The following RNF180 variants were observed in gnomAD, a reference collection of about 807,000 sequenced individuals.
RNF180 encodes E3 ubiquitin-protein ligase RNF180.
RNF180 carries 38 observed loss-of-function variants against 59.2 expected under a neutral mutation model. The observed-to-expected ratio is 0.64, with a 90% CI of 0.50 to 0.84. The LOEUF (loss-of-function observed/expected upper bound fraction) is 0.84. Among genes scored for constraint, RNF180 ranks in the 40% least tolerant of loss-of-function variants. RNF180 has a pLI of 0.00. For synonymous variants in RNF180, 262 were observed against 240.3 expected, an observed-to-expected ratio of 1.09 and a Z score of -0.84; for missense variants, 705 against 700.9, an observed-to-expected ratio of 1.01 and a Z score of -0.07.
rs989288094 is a variant in RNF180 at position 64,370,857 on chromosome 5, C to A, written c.*1043C>A. 6.6e-6 allele frequency: 1 copy of A among 151,438 alleles called. No homozygotes were observed. The highest frequency in any genetic ancestry group is 2.0e-4 in the East Asian group (1 of 5,126). 9.4% of individuals were successfully genotyped at this position (151,438 alleles called of 1,614,324 possible). A position where few individuals can be genotyped will look rare whatever the true frequency, so the allele number is the denominator to read the frequency against. On this transcript the variant is annotated 3_prime_UTR_variant, in exon 8 of 8. Coordinates refer to ENST00000389100, the MANE Select transcript of RNF180 (RefSeq NM_001113561.2). ...AGTTATTCTGGTGGTCTTTGTGAAA[C>A]CTGGGACAAAGTTTTTATTATGAAT... is the stretch of plus-strand genomic sequence containing the variant.
At chr5:64,243,107 C>G (rs1250903863) in intron 5 of RNF180, among the ~76,000 whole-genome samples, 7 of 152,220 alleles carry the variant, frequency 4.6e-5, no homozygotes, top group African/African-American at 1.7e-4. Context: ...CCAGGAGATT[C>G]CCTCAGGTGC....
intron 7 of RNF180, among the ~76,000 whole-genome samples, chr5:64,349,423 G>A (rs1206517591): frequency 9.5e-6 from 1 of 104,888 alleles, no homozygotes; most frequent in African/African-American, 4.1e-5. Context: ...TTTTTTTTTT[G>A]AGTTTCTATT....
At chr5:64,330,549 C>A in intron 7 of RNF180, 143 bp downstream of exon 7, 1 of 806,000 alleles carries the variant, frequency 1.2e-6, no homozygotes, top group Non-Finnish European at 1.9e-6. Context: ...TGCTAAGTAT[C>A]TCCTTGCTGA....
At chr5:64,282,967 C>G (rs1742087046) in intron 5 of RNF180, among the ~76,000 whole-genome samples, 1 of 152,112 alleles carries the variant, frequency 6.6e-6, no homozygotes, top group Admixed American at 6.6e-5. Context: ...GTGAAAACTT[C>G]ATGTTCTGTT....
chr5:64,225,858 G>A (rs538575589), intron 5 of RNF180, among the ~76,000 whole-genome samples: 7 of 140,086 alleles, frequency 5.0e-5, no homozygotes, highest in South Asian at 4.7e-4. Flanking sequence ...GCCTCTGCCC[G>A]GCCGCCCCGT....
intron 5 of RNF180, among the ~76,000 whole-genome samples, chr5:64,239,401 T>G (rs1742656794): frequency 6.6e-6 from 1 of 152,202 alleles, no homozygotes; most frequent in African/African-American, 2.4e-5. Flanking sequence ...ACTTTGCTCC[T>G]AGTAGTAATT....
At chr5:64,186,013 T>C (rs904361707) in intron 1 of RNF180, among the ~76,000 whole-genome samples, 3 of 152,202 alleles carry the variant, frequency 2.0e-5, no homozygotes, top group Non-Finnish European at 4.4e-5. Context: ...TCCCAGGCAG[T>C]GCTTTATTGG....
At chr5:64,209,706 TG>T (rs2112097917) in intron 2 of RNF180, among the ~76,000 whole-genome samples, 1 of 152,222 alleles carries the variant, frequency 6.6e-6, no homozygotes, top group East Asian at 1.9e-4. Context: ...AACAAAATTC[TG>T]GATCTGATAA....
At chr5:64,230,995 A>T (rs1021490348) in intron 5 of RNF180, among the ~76,000 whole-genome samples, 1 of 152,210 alleles carries the variant, frequency 6.6e-6, no homozygotes. Flanking sequence ...AGTAGCATAA[A>T]GGGCAATTAA....
chr5:64,212,897 CTG>C (rs1040682244), intron 3 of RNF180, among the ~76,000 whole-genome samples: 3 of 152,336 alleles, frequency 2.0e-5, no homozygotes, highest in South Asian at 2.1e-4. Context: ...CCTTTTCACA[CTG>C]TAACAGTTTT....
At chr5:64,344,368 AAG>A (rs777353659) in intron 7 of RNF180, among the ~76,000 whole-genome samples, 1 of 151,786 alleles carries the variant, frequency 6.6e-6, no homozygotes, top group Admixed American at 6.6e-5. Flanking sequence ...ATGGCAATAA[AAG>A]AGGCAATTCC....
At chr5:64,170,840 C>T (rs1399383962) in intron 1 of RNF180, among the ~76,000 whole-genome samples, 1 of 152,180 alleles carries the variant, frequency 6.6e-6, no homozygotes, top group Non-Finnish European at 1.5e-5. Flanking sequence ...TGGTATGGTC[C>T]TTTCCAGTGG....
At chr5:64,336,080 A>G (rs1745113635) in intron 7 of RNF180, among the ~76,000 whole-genome samples, 1 of 152,128 alleles carries the variant, frequency 6.6e-6, no homozygotes, top group African/African-American at 2.4e-5. Context: ...AATTTATGGC[A>G]TACCATCATC....
chr5:64,280,567 T>C (rs1271141120), intron 5 of RNF180, among the ~76,000 whole-genome samples: 1 of 152,052 alleles, frequency 6.6e-6, no homozygotes, highest in Non-Finnish European at 1.5e-5. Context: ...AGGGAGTCTT[T>C]TCCTCATTGT....
intron 5 of RNF180, among the ~76,000 whole-genome samples, chr5:64,251,929 G>T (rs1743605669): frequency 6.6e-6 from 1 of 151,974 alleles, no homozygotes; most frequent in African/African-American, 2.4e-5. Flanking sequence ...ATTGATGAAG[G>T]AAATTGGAGA....
intron 5 of RNF180, among the ~76,000 whole-genome samples, chr5:64,280,484 A>G (rs10939988): frequency 0.29 from 43,469 of 151,872 alleles, 6,428 homozygotes; most frequent in African/African-American, 0.35. Flanking sequence ...GTTGATTTTT[A>G]TATTGTAAAT....
At chr5:64,219,132 T>C (rs985203477) in intron 5 of RNF180, among the ~76,000 whole-genome samples, 1 of 152,208 alleles carries the variant, frequency 6.6e-6, no homozygotes, top group African/African-American at 2.4e-5. Flanking sequence ...ATGCTCTTTT[T>C]CAGGTTGAGG....
intron 5 of RNF180, among the ~76,000 whole-genome samples, chr5:64,306,906 A>G (rs1378951989): frequency 6.6e-6 from 1 of 151,646 alleles, no homozygotes; most frequent in Non-Finnish European, 1.5e-5. Context: ...GCGCACCAGC[A>G]TGGCACATGT....
intron 7 of RNF180, among the ~76,000 whole-genome samples, chr5:64,355,792 G>A (rs551929776): frequency 6.6e-6 from 1 of 151,826 alleles, no homozygotes; most frequent in South Asian, 2.1e-4. Flanking sequence ...CCATTCATCT[G>A]GGAAAGAATA....
Sources: allele counts gnomAD v4.1 joint callset (sites outside exome capture counted in the v4.1 genomes callset), GRCh38; gene constraint gnomAD v4.1.1; transcripts MANE v1.5; gene names NCBI Gene and HGNC (gene_info 2026-07-23, HGNC 2026-07-21).